Variants in PCDHGA12 observed in about 807,000 individuals in gnomAD.
The protein encoded by PCDHGA12 is protocadherin gamma-A12.
Under a neutral mutation model 61.1 loss-of-function variants are expected in PCDHGA12, and 43 were observed. That is an observed-to-expected ratio of 0.70 (90% confidence interval 0.55 to 0.91). The LOEUF is 0.91. Ranked by LOEUF, PCDHGA12 falls within the 40% of genes least tolerant of loss-of-function variation. The probability of loss-of-function intolerance (pLI) is 0.00; values close to 1 mark genes in which losing one functional copy is unlikely to be tolerated. For synonymous variants in PCDHGA12, 520 were observed against 542.9 expected (o/e 0.96, Z 0.59); for missense variants, 1,236 against 1,227.7 (o/e 1.01, Z -0.10).
rs1308866536 is a variant in PCDHGA12 at position 141,464,896 on chromosome 5, GT to G, written c.2425-29910del. On this transcript the variant is annotated intron_variant, in intron 1 of 3. Coordinates refer to ENST00000252085, the MANE Select transcript of PCDHGA12 (RefSeq NM_003735.3). ...TAGGACTACAGATGGATGCCACCAT[GT>G]CCAGCTAATTTTTTTATTTTTTTGT... 2.0e-5 allele frequency among the ~76,000 whole-genome samples: 3 copies of G among 151,672 alleles called. No homozygotes were observed. The East Asian group carries it at 5.8e-4, about 30-fold the overall frequency.
At chr5:141,494,364 G>A (rs1461560857) in intron 1 of PCDHGA12, among the ~76,000 whole-genome samples, 1 of 152,202 alleles carries the variant, frequency 6.6e-6, no homozygotes, top group African/African-American at 2.4e-5. Context: ...TGCAGAGGAT[G>A]CTTTGTTCCC....
chr5:141,500,444 C>T (rs1032064705), intron 2 of PCDHGA12, among the ~76,000 whole-genome samples: 3 of 151,370 alleles, frequency 2.0e-5, no homozygotes, highest in African/African-American at 4.9e-5. Context: ...CTCCTGACCT[C>T]GTGATCCGCC....
At chr5:141,492,578 G>A (rs1380328678) in intron 1 of PCDHGA12, among the ~76,000 whole-genome samples, 1 of 152,216 alleles carries the variant, frequency 6.6e-6, no homozygotes, top group Non-Finnish European at 1.5e-5. Flanking sequence ...CGAGGCGCGG[G>A]GCCAGGAGCG....
rs2097527384 is a variant in PCDHGA12 at position 141,432,674 on chromosome 5, A to G, written c.1915A>G (p.Lys639Glu). 2 of 1,613,856 alleles carry G rather than the reference A, an allele frequency of 1.2e-6. No homozygotes were observed. The highest frequency in any genetic ancestry group is 4.5e-5 in the East Asian group (2 of 44,840). Residue 639 changes from lysine to glutamate, a missense_variant, in exon 1 of 4, where the codon AAG becomes GAG. Physicochemically the swap from Lys to Glu is moderately conservative, Grantham distance 56. Coordinates refer to ENST00000252085, the MANE Select transcript of PCDHGA12 (RefSeq NM_003735.3). The surrounding 1 kb of genome is among the most constrained non-coding windows in gnomAD (Gnocchi z 6.0). ...ARALLDRDAL[K>E]QSLVVAVQDH... ...AGCCCTGCTGGACAGAGACGCGCTCAAGCAGAGCCTCGTAGTGGCCGTCCA... is the reference window on the plus strand; with the variant it reads ...AGCCCTGCTGGACAGAGACGCGCTCGAGCAGAGCCTCGTAGTGGCCGTCCA...
chr5:141,441,882 C>A, intron 1 of PCDHGA12: 1 of 343,664 alleles, frequency 2.9e-6, no homozygotes, highest in South Asian at 2.6e-5. Context: ...GCTACCTGGT[C>A]ACCAAGGTGG....
At position 141,510,842 on chromosome 5, in the gene PCDHGA12, G is replaced by A. The variant is rs531098325; in HGVS notation, c.2573-105G>A. 8.7e-5 allele frequency: 138 copies of A among 1,590,280 alleles called. No homozygotes were observed. The African/African-American group carries it at 1.7e-3, about 19-fold the overall frequency. ...TATTCCCAGTGCTCAGCGTGGTCAA[G>A]GCCCAGGGTGCTGTATAGGCATTCA... On this transcript the variant is annotated intron_variant, in intron 3 of 3. Coordinates refer to ENST00000252085, the MANE Select transcript of PCDHGA12 (RefSeq NM_003735.3).
intron 3 of PCDHGA12, among the ~76,000 whole-genome samples, chr5:141,510,272 TAAAAAA>T (rs546154379): frequency 7.7e-6 from 1 of 130,390 alleles, no homozygotes; most frequent in Non-Finnish European, 1.6e-5. Context: ...GACTCCATCT[TAAAAAA>T]AAAAAAAAAA....
chr5:141,473,784 G>A (rs1457988232), intron 1 of PCDHGA12, among the ~76,000 whole-genome samples: 1 of 152,226 alleles, frequency 6.6e-6, no homozygotes, highest in Non-Finnish European at 1.5e-5. Flanking sequence ...TTTAATTCAA[G>A]AGCAGTATGA....
intron 1 of PCDHGA12, chr5:141,440,759 C>T (rs1160288117): frequency 1.3e-5 from 2 of 152,158 alleles, no homozygotes; most frequent in Admixed American, 6.6e-5. Flanking sequence ...AAGCAGAGCT[C>T]CCATCCCTTA....
In PCDHGA12 at chr5:141,505,419, C is replaced by T; in HGVS notation, c.2510C>T (p.Thr837Ile). 3 of 1,614,258 alleles carry T rather than the reference C, an allele frequency of 1.9e-6. No homozygotes were observed. Among genetic ancestry groups the T allele is most frequent in the Non-Finnish European group, 2.5e-6 (3 of 1,180,054 alleles). Residue 837 changes from threonine to isoleucine, a missense_variant, in exon 3 of 4, where the codon ACC becomes ATC. By Grantham distance (89) the Thr-to-Ile change is moderately conservative. Transcript: ENST00000252085. The part of the protein sequence containing the change: ...SGSQNGDDTG[T>I]WPNNQFDTEM... ...TCCCAAAATGGCGATGACACCGGCA[C>T]CTGGCCCAACAACCAGTTTGACACA...
At chr5:141,459,319 T>G (rs1270005431) in intron 1 of PCDHGA12, among the ~76,000 whole-genome samples, 1 of 152,216 alleles carries the variant, frequency 6.6e-6, no homozygotes, top group Non-Finnish European at 1.5e-5. Context: ...TTTGTATCCA[T>G]CTTCTTTTAC....
Position 141,485,660 on chromosome 5 carries a change from G to A in PCDHGA12, c.2425-9147G>A. On this transcript the variant is annotated intron_variant, in intron 1 of 3. Transcript: ENST00000252085. The surrounding 1 kb of genome is among the most constrained non-coding windows in gnomAD (Gnocchi z 5.7). ...GGAAAAGGCTCAGGATGCAGATGTG[G>A]GGAGCAATTCGATTAGCAGCTATAG... is the stretch of plus-strand genomic sequence containing the variant. 1 of 1,612,716 alleles carries A rather than the reference G, an allele frequency of 6.2e-7. No individual in the cohort carries two copies. Among genetic ancestry groups the A allele is most frequent in the Non-Finnish European group, 8.5e-7 (1 of 1,178,898 alleles).
At chr5:141,452,490 C>A (rs2098742307) in intron 1 of PCDHGA12, among the ~76,000 whole-genome samples, 1 of 152,188 alleles carries the variant, frequency 6.6e-6, no homozygotes, top group East Asian at 1.9e-4. Flanking sequence ...TAAACACACC[C>A]ATATTTATAT....
chr5:141,498,230 C>T (rs2099782452), intron 2 of PCDHGA12, among the ~76,000 whole-genome samples: 1 of 152,200 alleles, frequency 6.6e-6, no homozygotes, highest in African/African-American at 2.4e-5. Flanking sequence ...GATGGTCAGG[C>T]ATACCAGCTT....
At chr5:141,435,024 C>T (rs1263332887) in intron 1 of PCDHGA12, among the ~76,000 whole-genome samples, 3 of 151,970 alleles carry the variant, frequency 2.0e-5, no homozygotes, top group Non-Finnish European at 4.4e-5. Context: ...ATGCTCTTTT[C>T]CCACTTTTAT....
chr5:141,487,438 G>A lies in PCDHGA12; in HGVS notation c.2425-7369G>A, dbSNP rs2154580826. 6 of 1,614,174 alleles carry A rather than the reference G, an allele frequency of 3.7e-6. No individual in the cohort carries two copies. Among genetic ancestry groups the A allele is most frequent in the East Asian group, 2.2e-5 (1 of 44,866 alleles). On this transcript the variant is annotated intron_variant, in intron 1 of 3. Transcript: ENST00000252085. This position sits in a 1 kb window ranked among gnomAD's most constrained non-coding sequence, Gnocchi z 5.0. The stretch of plus-strand genomic sequence containing the variant: ...ATGGGATCCTCCGAATCCAGCTAGG[G>A]TCAGATGACCCTATCAAGTTTGTTG...
chr5:141,477,287 G>T lies in PCDHGA12; in HGVS notation c.2425-17520G>T. ...CGAGAACGGGCTGGTGACCTGCGAA[G>T]TTCCACCGGGTCTCCCTTTCAGCCT... On this transcript the variant is annotated intron_variant, in intron 1 of 3. Coordinates refer to ENST00000252085, the MANE Select transcript of PCDHGA12 (RefSeq NM_003735.3). The surrounding 1 kb of genome is among the most constrained non-coding windows in gnomAD (Gnocchi z 4.9). The T allele has an allele frequency of 6.2e-7, 1 of 1,614,190 alleles. No homozygotes were observed.
At chr5:141,455,558 G>A (rs1261373189) in intron 1 of PCDHGA12, among the ~76,000 whole-genome samples, 1 of 152,142 alleles carries the variant, frequency 6.6e-6, no homozygotes, top group East Asian at 1.9e-4. Flanking sequence ...CCGAGAAAAA[G>A]CTGGCCCTCC....
chr5:141,476,367 G>C lies in PCDHGA12; in HGVS notation c.2425-18440G>C, dbSNP rs754652710. ...TTCTTTGAGGTGAACCGGGAGACCG[G>C]AGAGATGTTTGTGAACGACCGTCTG... On this transcript the variant is annotated intron_variant, in intron 1 of 3. Transcript: ENST00000252085. This position sits in a 1 kb window ranked among gnomAD's most constrained non-coding sequence, Gnocchi z 7.6. 6.2e-7 allele frequency: 1 copy of C among 1,614,172 alleles called. No homozygotes were observed. Among genetic ancestry groups the C allele is most frequent in the Non-Finnish European group, 8.5e-7 (1 of 1,180,036 alleles).
Sources: allele counts gnomAD v4.1 joint callset (sites outside exome capture counted in the v4.1 genomes callset), GRCh38; gene constraint gnomAD v4.1.1; non-coding constraint Gnocchi (gnomAD v3.1); transcripts MANE v1.5; gene names NCBI Gene and HGNC (gene_info 2026-07-23, HGNC 2026-07-21).